The following CDH13 variants were observed in gnomAD, a reference collection of about 807,000 sequenced individuals.
CDH13 encodes the protein cadherin-13.
Under a neutral mutation model 63.8 loss-of-function variants are expected in CDH13, and 24 were observed. The observed-to-expected ratio is 0.38, with a 90% CI of 0.27 to 0.53. The LOEUF is 0.53. Ranked by LOEUF, CDH13 falls within the 20% of genes least tolerant of loss-of-function variation. The pLI is 0.85. For missense variants in CDH13, 1,049 were observed against 903.1 expected (o/e 1.16, Z -2.07); for synonymous variants, 503 against 355.3 (o/e 1.42, Z -4.67).
At chr16:82,640,452 A>T (rs1165154028) in intron 1 of CDH13, among the ~76,000 whole-genome samples, 1 of 152,146 alleles carries the variant, frequency 6.6e-6, no homozygotes, top group African/African-American at 2.4e-5. Flanking sequence ...GTAATGAGCC[A>T]TCTAGTAAAT....
intron 3 of CDH13, among the ~76,000 whole-genome samples, chr16:83,119,999 C>G (rs2035491705): frequency 6.6e-6 from 1 of 152,074 alleles, no homozygotes; most frequent in South Asian, 2.1e-4. Context: ...TAATGTCAGA[C>G]AAAAACTTAA....
intron 1 of CDH13, among the ~76,000 whole-genome samples, chr16:82,800,867 A>G (rs183448649): frequency 1.3e-5 from 2 of 152,290 alleles, no homozygotes; most frequent in Admixed American, 1.3e-4. Context: ...TCAGTATTCA[A>G]TTATTTTAAT....
At chr16:82,908,969 C>T (rs545605880) in intron 2 of CDH13, among the ~76,000 whole-genome samples, 113 of 152,192 alleles carry the variant, frequency 7.4e-4, no homozygotes, top group Non-Finnish European at 1.4e-3. Flanking sequence ...TTCCACGGGG[C>T]TGACTGTGGG....
chr16:82,828,143 T>G (rs2151107737), intron 1 of CDH13, among the ~76,000 whole-genome samples: 1 of 152,058 alleles, frequency 6.6e-6, no homozygotes, highest in East Asian at 1.9e-4. Flanking sequence ...GAGATCAAGG[T>G]TTTCAATACC....
intron 1 of CDH13, among the ~76,000 whole-genome samples, chr16:82,757,982 T>G (rs2151079109): frequency 6.6e-6 from 1 of 152,220 alleles, no homozygotes; most frequent in East Asian, 1.9e-4. Context: ...TATCAATCCA[T>G]TCTGAGGCTA....
chr16:82,906,331 G>T (rs7184577), intron 2 of CDH13, among the ~76,000 whole-genome samples: 21,464 of 151,980 alleles, frequency 0.14, 1,663 homozygotes, highest in African/African-American at 0.19. Flanking sequence ...ACACATGATT[G>T]GCCCTTAGTC....
chr16:82,938,141 A>T (rs2042726174), intron 2 of CDH13, among the ~76,000 whole-genome samples: 1 of 152,230 alleles, frequency 6.6e-6, no homozygotes, highest in Admixed American at 6.5e-5. Context: ...GGAAGAATGT[A>T]TCTTAAGAGC....
At chr16:82,710,206 C>A (rs1053988885) in intron 1 of CDH13, among the ~76,000 whole-genome samples, 4 of 142,336 alleles carry the variant, frequency 2.8e-5, no homozygotes, top group Non-Finnish European at 6.1e-5. Context: ...TTATATATTA[C>A]ATTAATTTAT....
chr16:82,702,103 C>T (rs1839023210), intron 1 of CDH13, among the ~76,000 whole-genome samples: 1 of 152,260 alleles, frequency 6.6e-6, no homozygotes, highest in Non-Finnish European at 1.5e-5. Context: ...AACCAGAGTC[C>T]CCTGCTCTAA....
At chr16:82,687,561 C>T (rs2150970188) in intron 1 of CDH13, among the ~76,000 whole-genome samples, 1 of 152,170 alleles carries the variant, frequency 6.6e-6, no homozygotes, top group East Asian at 1.9e-4. Flanking sequence ...GGGGAACTCC[C>T]ATGTATAAAA....
intron 1 of CDH13, among the ~76,000 whole-genome samples, chr16:82,757,973 A>G (rs1373726253): frequency 6.6e-6 from 1 of 152,110 alleles, no homozygotes; most frequent in African/African-American, 2.4e-5. Flanking sequence ...AAATGTCACT[A>G]TCAATCCATT....
chr16:82,999,203 T>A (rs2151420396), intron 2 of CDH13, among the ~76,000 whole-genome samples: 1 of 152,302 alleles, frequency 6.6e-6, no homozygotes, highest in East Asian at 1.9e-4. Context: ...CTCTTTCAAC[T>A]TCCTTATTGT....
At chr16:82,685,881 G>T (rs1053940723) in intron 1 of CDH13, among the ~76,000 whole-genome samples, 4 of 152,120 alleles carry the variant, frequency 2.6e-5, no homozygotes, top group African/African-American at 9.7e-5. Flanking sequence ...TCCTCTTTTT[G>T]ATACGTGGTT....
Position 83,215,744 on chromosome 16 carries a change from T to C in CDH13, c.484-1601T>C, listed in dbSNP as rs1466077589. 3.9e-5 allele frequency among the ~76,000 whole-genome samples: 6 copies of C among 152,298 alleles called. No individual in the cohort carries two copies. In the East Asian group the frequency reaches 1.2e-3, roughly 29 times the overall value. On this transcript the variant is annotated intron_variant, in intron 4 of 13. Transcript: ENST00000567109. ...CCCTCCAGGCGCTGTTGAGTATGTG[T>C]CAACAGGTGCCTGTTCGTTTGTAAT...
At position 83,329,582 on chromosome 16, in the gene CDH13, A is replaced by G. The variant is rs901559055; in HGVS notation, c.637-15280A>G. ...AAAATCGATCAGCTTCATCATTTTAAGTGTATATTTCAGTAGTGTTAAATT... is the reference window on the plus strand; with the variant it reads ...AAAATCGATCAGCTTCATCATTTTAGGTGTATATTTCAGTAGTGTTAAATT... On this transcript the variant is annotated intron_variant, in intron 5 of 13. Coordinates refer to ENST00000567109, the MANE Select transcript of CDH13 (RefSeq NM_001257.5). Among the ~76,000 whole-genome samples, 3 of 152,272 alleles carry G rather than the reference A, an allele frequency of 2.0e-5. No homozygotes were observed. In the East Asian group the frequency reaches 5.8e-4, roughly 29 times the overall value.
At chr16:83,388,039 C>G (rs968779129) in intron 6 of CDH13, among the ~76,000 whole-genome samples, 2 of 152,122 alleles carry the variant, frequency 1.3e-5, no homozygotes, top group African/African-American at 4.8e-5. Flanking sequence ...TAAAAGACCT[C>G]CTAGACATGA....
At chr16:83,735,122 T>A (rs1312263995) in intron 10 of CDH13, among the ~76,000 whole-genome samples, 1 of 152,198 alleles carries the variant, frequency 6.6e-6, no homozygotes, top group Non-Finnish European at 1.5e-5. Context: ...AGTCTCACAG[T>A]GAACACAGAT....
intron 5 of CDH13, among the ~76,000 whole-genome samples, chr16:83,253,681 A>T (rs552514360): frequency 3.5e-4 from 54 of 152,302 alleles, no homozygotes; most frequent in African/African-American, 1.3e-3. Context: ...AATACTCTTA[A>T]GATCATGTGA....
intron 2 of CDH13, among the ~76,000 whole-genome samples, chr16:82,919,401 C>G (rs1253246822): frequency 6.6e-6 from 1 of 152,084 alleles, no homozygotes; most frequent in Admixed American, 6.6e-5. Flanking sequence ...CTGTTGTTTC[C>G]CCTTTGTGTC....
Sources: allele counts gnomAD v4.1 joint callset (sites outside exome capture counted in the v4.1 genomes callset), GRCh38; gene constraint gnomAD v4.1.1; transcripts MANE v1.5; gene names NCBI Gene and HGNC (gene_info 2026-07-23, HGNC 2026-07-21).